The following MYLK4 variants were observed in gnomAD, a reference collection of about 807,000 sequenced individuals.
The protein encoded by MYLK4 is myosin light chain kinase family member 4, also known as caMLCK like.
In MYLK4, 46 loss-of-function variants were observed where a neutral mutation model predicts 48.1. That is an observed-to-expected ratio of 0.96 (90% CI 0.75 to 1.22). The LOEUF (loss-of-function observed/expected upper bound fraction) is 1.22, where lower values mean the gene tolerates loss of function less well. Among genes scored for constraint, MYLK4 ranks in the 50% most tolerant of loss-of-function variants. The pLI, the probability that MYLK4 is intolerant of heterozygous loss-of-function variation, is 0.00. For synonymous variants in MYLK4, 170 were observed against 180.8 expected (o/e 0.94, Z 0.48); for missense variants, 451 against 486.1 (o/e 0.93, Z 0.68).
chr6:2,716,612 C>A (rs1051804410), intron 2 of MYLK4, among the ~76,000 whole-genome samples: 2 of 152,202 alleles, frequency 1.3e-5, no homozygotes, highest in African/African-American at 4.8e-5. Context: ...AGACAGAGCC[C>A]TGGCAGAAAA....
the MYLK4 span, among the ~76,000 whole-genome samples, chr6:2,761,102 T>C: frequency 2.6e-5 from 4 of 152,174 alleles, 1 homozygote; most frequent in Non-Finnish European, 4.4e-5. Context: ...GCTTATAAAA[T>C]ACCTGCTCAT....
At chr6:2,755,749 CT>C (rs1561892047), upstream of MYLK4, among the ~76,000 whole-genome samples, 1 of 152,080 alleles carries the variant, frequency 6.6e-6, no homozygotes, top group Non-Finnish European at 1.5e-5. Flanking sequence ...GTCTCTCTCT[CT>C]TTTTTGTAAT....
At chr6:2,733,966 C>T (rs1158331776) in intron 2 of MYLK4, among the ~76,000 whole-genome samples, 1 of 152,172 alleles carries the variant, frequency 6.6e-6, no homozygotes, top group East Asian at 1.9e-4. Flanking sequence ...CAGCGCATCC[C>T]AAAACTTGCT....
the MYLK4 span, among the ~76,000 whole-genome samples, chr6:2,769,168 T>TA: frequency 2.0e-5 from 3 of 152,152 alleles, no homozygotes; most frequent in South Asian, 6.2e-4. Context: ...ATTTTTAATC[T>TA]AAATACTAGG....
rs777389591 is a variant in MYLK4, at chr6:2,692,874, T to C, written c.160-15A>G. On this transcript the variant is annotated splice_polypyrimidine_tract_variant and intron_variant, in intron 2 of 12. Coordinates refer to ENST00000274643, the MANE Select transcript of MYLK4 (RefSeq NM_001012418.5). ...ACCTCCTTCGCCTGTGGAGGCACAA[T>C]TGAGTAATTGAAGTTACATATCACA... 19 of 1,609,258 alleles carry C rather than the reference T, an allele frequency of 1.2e-5. No individual in the cohort carries two copies. Among genetic ancestry groups the C allele is most frequent in the South Asian group, 2.2e-5 (2 of 90,262 alleles).
In MYLK4 at chr6:2,688,058, CTTT is replaced by C. The variant is rs534105075; in HGVS notation, c.341+790_341+792del. Among the ~76,000 whole-genome samples the C allele has an allele frequency of 9.8e-3, 1,244 of 127,548 alleles. 19 individuals are homozygous for C. The highest frequency in any genetic ancestry group is 0.034 in the African/African-American group (1,198 of 35,364). The allele number at this position is 127,548 out of a possible 152,430, so 83.7% of individuals were successfully genotyped here. A position where few individuals can be genotyped will look rare whatever the true frequency, so the allele number is the denominator to read the frequency against. On this transcript the variant is annotated intron_variant, in intron 4 of 12. Coordinates refer to ENST00000274643, the MANE Select transcript of MYLK4 (RefSeq NM_001012418.5). ...TTTTCCTTCTGGTTTTTTTTCTTTT[CTTT>C]TTTTTTCTTTTTTTTTGAGACAGAG...
chr6:2,703,905 G>A (rs563489495), intron 2 of MYLK4, among the ~76,000 whole-genome samples: 65 of 152,132 alleles, frequency 4.3e-4, no homozygotes, highest in South Asian at 1.9e-3. Context: ...TCTTGACCTC[G>A]TGATCTGCCT....
intron 2 of MYLK4, among the ~76,000 whole-genome samples, chr6:2,736,285 C>A (rs570704753): frequency 6.6e-6 from 1 of 152,206 alleles, no homozygotes; most frequent in African/African-American, 2.4e-5. Flanking sequence ...GATGGAGTCT[C>A]GCTCTGTCAC....
intron 2 of MYLK4, among the ~76,000 whole-genome samples, chr6:2,694,599 G>T (rs1761985516): frequency 6.7e-6 from 1 of 149,958 alleles, no homozygotes; most frequent in African/African-American, 2.5e-5. Flanking sequence ...GGTGGTGGTG[G>T]TGGTGATGAT....
At chr6:2,687,338 C>T (rs964399381) in intron 4 of MYLK4, among the ~76,000 whole-genome samples, 4 of 152,190 alleles carry the variant, frequency 2.6e-5, no homozygotes, top group Non-Finnish European at 4.4e-5. Flanking sequence ...GAGTGAATTA[C>T]GGCTGCCAAT....
the MYLK4 span, among the ~76,000 whole-genome samples, chr6:2,761,445 G>GT: frequency 2.0e-5 from 3 of 152,132 alleles, no homozygotes; most frequent in South Asian, 2.1e-4. Flanking sequence ...TTTGAAGTAC[G>GT]TTTTTTTCAT....
chr6:2,692,710 C>A, intron 3 of MYLK4, 74 bp downstream of exon 3: 1 of 1,315,026 alleles, frequency 7.6e-7, no homozygotes. Context: ...TGTGCAACTT[C>A]CTCTGAATAA....
the MYLK4 span, chr6:2,766,231 T>G: frequency 6.8e-7 from 1 of 1,476,716 alleles, no homozygotes; most frequent in African/African-American, 1.4e-5. Flanking sequence ...TCGGGGCCAG[T>G]GGCGGGGGCC....
At chr6:2,770,281 G>T in the MYLK4 span, 1 of 1,614,108 alleles carries the variant, frequency 6.2e-7, no homozygotes, top group African/African-American at 1.3e-5. Flanking sequence ...TAATGCGAGC[G>T]ATCAACTCCC....
chr6:2,664,989 C>G lies in MYLK4; in HGVS notation c.*2936G>C, dbSNP rs1017958435. On this transcript the variant is annotated 3_prime_UTR_variant, in exon 13 of 13. Transcript: ENST00000274643. Reference sequence around the variant, plus strand: ...TTAATAACTTGCGAGGTTTATTTCTCTCCAGGCAGTGGGAAGTGCTACATC... The same window carrying G: ...TTAATAACTTGCGAGGTTTATTTCTGTCCAGGCAGTGGGAAGTGCTACATC... 1 of 152,250 alleles carries G rather than the reference C, an allele frequency of 6.6e-6. No individual in the cohort carries two copies. The highest frequency in any genetic ancestry group is 1.5e-5 in the Non-Finnish European group (1 of 68,044). The allele number at this position is 152,250 out of a possible 1,614,324, so 9.4% of individuals were successfully genotyped here. A position where few individuals can be genotyped will look rare whatever the true frequency, so the allele number is the denominator to read the frequency against.
chr6:2,746,266 C>CAAAACAAG (rs1764091585), intron 2 of MYLK4, among the ~76,000 whole-genome samples: 1 of 145,932 alleles, frequency 6.9e-6, no homozygotes, highest in African/African-American at 2.5e-5. Context: ...GACTCCGTCT[C>CAAAACAAG]AAAAAAAGAA....
the MYLK4 span, chr6:2,765,908 G>T: frequency 6.9e-7 from 1 of 1,455,414 alleles, no homozygotes. Context: ...CGAGGGCGAG[G>T]GTGAGGAGGG....
At chr6:2,680,191 A>G (rs779275685) in intron 8 of MYLK4, 30 bp downstream of exon 8, 2 of 1,613,326 alleles carry the variant, frequency 1.2e-6, no homozygotes, top group South Asian at 2.2e-5. Flanking sequence ...CCCCAGCTCC[A>G]TTCGTACACC....
chr6:2,690,076 T>G (rs1442698983), intron 3 of MYLK4, among the ~76,000 whole-genome samples: 1 of 152,118 alleles, frequency 6.6e-6, no homozygotes, highest in African/African-American at 2.4e-5. Context: ...TAAATGAAAT[T>G]TAGTCTGTAA....
Sources: allele counts gnomAD v4.1 joint callset (sites outside exome capture counted in the v4.1 genomes callset), GRCh38; gene constraint gnomAD v4.1.1; transcripts MANE v1.5; gene names NCBI Gene and HGNC (gene_info 2026-07-23, HGNC 2026-07-21).